The following ATP1A3 variants were observed in gnomAD, a reference collection of about 807,000 sequenced individuals.
The protein encoded by ATP1A3 is sodium/potassium-transporting ATPase subunit alpha-3.
ATP1A3 carries 12 observed loss-of-function variants against 108.8 expected under a neutral mutation model. The observed-to-expected ratio is 0.11, with a 90% confidence interval of 0.07 to 0.18. The LOEUF (loss-of-function observed/expected upper bound fraction) is 0.18. ATP1A3 is among the 10% of genes least tolerant of loss of function. The probability of loss-of-function intolerance (pLI) is 1.00; values close to 1 mark genes in which losing one functional copy is unlikely to be tolerated. For synonymous variants in ATP1A3, 539 were observed against 564.5 expected, an observed-to-expected ratio of 0.95 and a Z score of 0.64; for missense variants, 498 against 1,387.7, an observed-to-expected ratio of 0.36 and a Z score of 10.19.
At chr19:41,973,031 T>C (rs1034687536) in intron 16 of ATP1A3, among the ~76,000 whole-genome samples, 24 of 152,168 alleles carry the variant, frequency 1.6e-4, no homozygotes, top group Admixed American at 5.9e-4. Context: ...GTTCCCTGCA[T>C]TGTGCTCTTC....
rs142806181 is a variant in ATP1A3 at position 41,988,005 on chromosome 19, G to A, written c.288C>T (p.Ile96=). ...LFGGFSILLW[I]GAILCFLAYG... Reference sequence around the variant, plus strand: ...AGGCCAGGAAGCAGAGGATAGCCCCGATCCACAGCAGGATGGAGAAGCCCC... The same window carrying A: ...AGGCCAGGAAGCAGAGGATAGCCCCAATCCACAGCAGGATGGAGAAGCCCC... The change falls in exon 4 of 23, where the codon ATC becomes ATT. Residue 96 remains isoleucine, a synonymous_variant. Transcript: ENST00000648268. The surrounding 1 kb of genome is among the most constrained non-coding windows in gnomAD (Gnocchi z 5.3). 2.1e-4 allele frequency: 344 copies of A among 1,614,176 alleles called. No individual in the cohort carries two copies. The highest frequency in any genetic ancestry group is 6.7e-4 in the East Asian group (30 of 44,878).
intron 16 of ATP1A3, among the ~76,000 whole-genome samples, chr19:41,972,871 A>AAAGAAGGGAGGC (rs1555860248): frequency 7.5e-6 from 1 of 133,310 alleles, no homozygotes; most frequent in Non-Finnish European, 1.6e-5. Context: ...AGAAGGAAGG[A>AAAGAAGGGAGGC]AGGCAGGCAG....
rs782136404 is a variant in ATP1A3 at position 41,988,648 on chromosome 19, C to A, written c.7-86G>T. On this transcript the variant is annotated intron_variant, in intron 1 of 22. Coordinates refer to ENST00000648268, the MANE Select transcript of ATP1A3 (RefSeq NM_152296.5). This position sits in a 1 kb window ranked among gnomAD's most constrained non-coding sequence, Gnocchi z 5.3. The stretch of plus-strand genomic sequence containing the variant: ...AGGAGGACACCGGCCCTCCATGCCC[C>A]AGCTATCCTCCTGGCCGGTGCCCCT... 1.2e-6 allele frequency: 2 copies of A among 1,609,650 alleles called. 1 individual carries two copies. Among genetic ancestry groups the A allele is most frequent in the South Asian group, 2.2e-5 (2 of 91,038 alleles).
chr19:41,977,875 GTCCCCCT>G (rs1188195794), intron 14 of ATP1A3, 54 bp downstream of exon 14: 2 of 1,591,514 alleles, frequency 1.3e-6, no homozygotes, highest in African/African-American at 2.7e-5. Flanking sequence ...GGGGGAAGCG[GTCCCCCT>G]GTGTCAACAC....
chr19:41,981,963 G>T lies in ATP1A3; in HGVS notation c.1137C>A (p.Ala379=). The T allele has an allele frequency of 6.2e-7, 1 of 1,614,220 alleles. No homozygotes were observed. Among genetic ancestry groups the T allele is most frequent in the Non-Finnish European group, 8.5e-7 (1 of 1,180,044 alleles). The part of the protein sequence containing the change: ...GTLTQNRMTV[A]HMWFDNQIHE... Reference sequence around the variant, plus strand: ...GGATCTGGTTGTCAAACCACATGTGGGCGACTGTCATGCGGTTCTGAGTGA... The same window carrying T: ...GGATCTGGTTGTCAAACCACATGTGTGCGACTGTCATGCGGTTCTGAGTGA... Residue 379 remains alanine (A), a synonymous_variant, in exon 9 of 23, where the codon GCC becomes GCA. Coordinates refer to ENST00000648268, the MANE Select transcript of ATP1A3 (RefSeq NM_152296.5). The surrounding 1 kb of genome is among the most constrained non-coding windows in gnomAD (Gnocchi z 5.0).
rs976977775 is a variant in ATP1A3, at chr19:41,978,516, T to C, written c.1630+90A>G. 1.9e-6 allele frequency: 3 copies of C among 1,558,780 alleles called. No homozygotes were observed. The highest frequency in any genetic ancestry group is 2.1e-4 in the Middle Eastern group (1 of 4,776). ...TCATTCATTCATTTACAGTATATTCTGGGAGGCCCTGGGCTGAGACAGGCT... is the reference window on the plus strand; with the variant it reads ...TCATTCATTCATTTACAGTATATTCCGGGAGGCCCTGGGCTGAGACAGGCT... On this transcript the variant is annotated intron_variant, in intron 12 of 22. Coordinates refer to ENST00000648268, the MANE Select transcript of ATP1A3 (RefSeq NM_152296.5). The surrounding 1 kb of genome is among the most constrained non-coding windows in gnomAD (Gnocchi z 8.3).
chr19:41,986,294 G>A lies in ATP1A3; in HGVS notation c.358-65C>T, dbSNP rs781938429. The stretch of plus-strand genomic sequence containing the variant: ...AGCCACTCTCCACCAGTCCCTGCTC[G>A]CCTGGAGTCTGGGAAGGGAGCTTTG... On this transcript the variant is annotated intron_variant, in intron 4 of 22. Coordinates refer to ENST00000648268, the MANE Select transcript of ATP1A3 (RefSeq NM_152296.5). 1.4e-5 allele frequency: 22 copies of A among 1,519,686 alleles called. 1 individual carries two copies. Among genetic ancestry groups the A allele is most frequent in the South Asian group, 1.0e-4 (9 of 88,742 alleles). The allele number at this position is 1,519,686 out of a possible 1,614,324, so 94.1% of individuals were successfully genotyped here.
chr19:41,993,459 C>G, intron 1 of ATP1A3: 1 of 1,532,722 alleles, frequency 6.5e-7, no homozygotes, highest in Non-Finnish European at 8.7e-7. Context: ...AGGGGCTGCA[C>G]ACACACACAC....
intron 19 of ATP1A3, 131 bp from the exon 20 acceptor site, chr19:41,969,046 C>G (rs1260390584): frequency 1.2e-5 from 17 of 1,369,522 alleles, no homozygotes; most frequent in Non-Finnish European, 1.5e-5. Context: ...GGTGTGTCTT[C>G]CTTCTGCGGG....
chr19:41,969,087 G>A (rs545697704), intron 19 of ATP1A3, among the ~76,000 whole-genome samples, 172 bp from the exon 20 acceptor site: 4 of 152,274 alleles, frequency 2.6e-5, no homozygotes, highest in East Asian at 1.9e-4. Context: ...GTCAGGAGAC[G>A]TACAAGGAAG....
chr19:41,994,118 G>A lies in ATP1A3; in HGVS notation c.-42C>T, dbSNP rs781854270. 11 of 1,556,078 alleles carry A rather than the reference G, an allele frequency of 7.1e-6. No individual in the cohort carries two copies. In the South Asian group the frequency reaches 1.1e-4, roughly 15 times the overall value. ...CGAGAGAGCCAGGCGGGCGGGGCGG[G>A]GACCTCGGGGCGGGCTCAGGCTCAG... On this transcript the variant is annotated 5_prime_UTR_variant, in exon 1 of 23. Transcript: ENST00000648268.
rs558032708 is a variant in ATP1A3, at chr19:41,971,343, C to T, written c.2264-801G>A. Among the ~76,000 whole-genome samples the T allele has an allele frequency of 1.1e-3, 168 of 152,210 alleles. 1 individual carries two copies. Among genetic ancestry groups the T allele is most frequent in the African/African-American group, 3.7e-3 (155 of 41,542 alleles). The stretch of plus-strand genomic sequence containing the variant: ...AAATAACCACTTTGGAAGATGGTTT[C>T]GGAGTTGCTATCAAACATCCCCCAC... On this transcript the variant is annotated intron_variant, in intron 16 of 22. Transcript: ENST00000648268.
In ATP1A3 at chr19:41,968,853, A is replaced by G; in HGVS notation, c.2751T>C (p.Val917=). 6.2e-7 allele frequency: 1 copy of G among 1,614,162 alleles called. No individual in the cohort carries two copies. The highest frequency in any genetic ancestry group is 1.3e-5 in the African/African-American group (1 of 75,048). Residue 917 remains valine (V), a synonymous_variant, in exon 20 of 23, where the codon GTT becomes GTC. Transcript: ENST00000648268. The surrounding 1 kb of genome is among the most constrained non-coding windows in gnomAD (Gnocchi z 5.0). ...TGATCAGATCGGCCCACTGGACGAC[A>G]ACGATGCTCACAAAGAAGGCCGTGT... ...TCHTAFFVSI[V]VVQWADLIIC...
chr19:41,977,009 T>G (rs1555861563), intron 14 of ATP1A3, among the ~76,000 whole-genome samples: 1 of 151,492 alleles, frequency 6.6e-6, no homozygotes, highest in East Asian at 2.0e-4. Context: ...GGTTTTGCCA[T>G]GTTGGCCAGG....
Position 41,988,697 on chromosome 19 carries a change from G to C in ATP1A3, c.7-135C>G, listed in dbSNP as rs983115971. Reference sequence around the variant, plus strand: ...CTGCATCTCTGGGTGGGGGGTCTCTGTCTGCCTCTCGGGGTCTCCCTGTGT... The same window carrying C: ...CTGCATCTCTGGGTGGGGGGTCTCTCTCTGCCTCTCGGGGTCTCCCTGTGT... On this transcript the variant is annotated intron_variant, in intron 1 of 22. Coordinates refer to ENST00000648268, the MANE Select transcript of ATP1A3 (RefSeq NM_152296.5). This position sits in a 1 kb window ranked among gnomAD's most constrained non-coding sequence, Gnocchi z 5.3. 2.1e-5 allele frequency: 32 copies of C among 1,557,266 alleles called. No homozygotes were observed. The highest frequency in any genetic ancestry group is 2.2e-5 in the Non-Finnish European group (25 of 1,154,850).
chr19:41,970,567 AGGCGCCCATGCCAGG>A, intron 16 of ATP1A3, 25 bp from the exon 17 acceptor site: 1 of 1,609,918 alleles, frequency 6.2e-7, no homozygotes. Context: ...GGCTCAGAGC[AGGCGCCCATGCCAGG>A]GAGCCCCACT....
At chr19:41,982,200 C>T (rs1270638828) in intron 8 of ATP1A3, 94 bp from the exon 9 acceptor site, 1 of 1,602,252 alleles carries the variant, frequency 6.2e-7, no homozygotes, top group African/African-American at 1.3e-5. Flanking sequence ...CTGCCCAGCC[C>T]CCAGAGAATC....
At chr19:41,971,657 A>C (rs781887663) in intron 16 of ATP1A3, among the ~76,000 whole-genome samples, 1 of 152,174 alleles carries the variant, frequency 6.6e-6, no homozygotes, top group Non-Finnish European at 1.5e-5. Flanking sequence ...CATTCTTAGC[A>C]TCCAACTCCA....
At position 41,978,521 on chromosome 19, in the gene ATP1A3, G is replaced by T; in HGVS notation, c.1630+85C>A. The T allele has an allele frequency of 6.4e-7, 1 of 1,565,514 alleles. No individual in the cohort carries two copies. The highest frequency in any genetic ancestry group is 8.7e-7 in the Non-Finnish European group (1 of 1,146,446). ...CATTCATTTACAGTATATTCTGGGAGGCCCTGGGCTGAGACAGGCTTTGGG... is the reference window on the plus strand; with the variant it reads ...CATTCATTTACAGTATATTCTGGGATGCCCTGGGCTGAGACAGGCTTTGGG... On this transcript the variant is annotated intron_variant, in intron 12 of 22. Transcript: ENST00000648268. The surrounding 1 kb of genome is among the most constrained non-coding windows in gnomAD (Gnocchi z 8.3).
Sources: allele counts gnomAD v4.1 joint callset (sites outside exome capture counted in the v4.1 genomes callset), GRCh38; gene constraint gnomAD v4.1.1; non-coding constraint Gnocchi (gnomAD v3.1); transcripts MANE v1.5; gene names NCBI Gene and HGNC (gene_info 2026-07-23, HGNC 2026-07-21).